The following TFAP2A variants were observed in gnomAD, a reference collection of about 807,000 sequenced individuals.
TFAP2A encodes transcription factor AP-2 alpha, also known as transcription factor AP-2-alpha.
TFAP2A carries 7 observed loss-of-function variants against 41.5 expected under a neutral mutation model. That is an observed-to-expected ratio of 0.17 (90% CI 0.10 to 0.32). TFAP2A has a LOEUF of 0.32. TFAP2A is among the 10% of genes least tolerant of loss of function. The pLI, the probability that TFAP2A is intolerant of heterozygous loss-of-function variation, is 1.00. For synonymous variants in TFAP2A, 247 were observed against 242.8 expected (o/e 1.02, Z -0.16); for missense variants, 416 against 563.3 (o/e 0.74, Z 2.65).
chr6:10,404,863 C>A, intron 3 of TFAP2A, 124 bp from the exon 4 acceptor site: 1 of 828,722 alleles, frequency 1.2e-6, no homozygotes, highest in South Asian at 1.7e-5. Context: ...CCCGCTTTTC[C>A]GTCCGGCTCT....
intron 1 of TFAP2A, among the ~76,000 whole-genome samples, chr6:10,413,882 A>C (rs1453161000): frequency 6.8e-6 from 1 of 147,342 alleles, no homozygotes; most frequent in East Asian, 2.0e-4. Flanking sequence ...AAAAAAAAAC[A>C]GCAAAAGTTG....
chr6:10,400,804 G>A (rs746640282), intron 5 of TFAP2A: 1 of 630,292 alleles, frequency 1.6e-6, no homozygotes, highest in South Asian at 1.5e-5. Context: ...AGAGGGCCAA[G>A]AAGACTTGAA....
chr6:10,400,649 T>C (rs982664872), intron 5 of TFAP2A, 60 bp from the exon 6 acceptor site: 2 of 1,570,878 alleles, frequency 1.3e-6, no homozygotes, highest in African/African-American at 2.7e-5. Flanking sequence ...GATCCTAACT[T>C]CCTCCCCACT....
At chr6:10,405,008 G>A (rs1363404005) in intron 3 of TFAP2A, 2 of 551,334 alleles carry the variant, frequency 3.6e-6, no homozygotes, top group Non-Finnish European at 6.5e-6. Context: ...CCCCTTCGCC[G>A]TCAAGGGTGC....
intron 2 of TFAP2A, among the ~76,000 whole-genome samples, chr6:10,408,225 A>T (rs1757801930): frequency 6.6e-6 from 1 of 152,226 alleles, no homozygotes; most frequent in Non-Finnish European, 1.5e-5. Context: ...TCTTGACCCA[A>T]ATTCCTTTGA....
At chr6:10,416,435 A>AAAG (rs1337039986), upstream of TFAP2A, 1 of 151,614 alleles carries the variant, frequency 6.6e-6, no homozygotes, top group Non-Finnish European at 1.5e-5. Context: ...GTAAGAAAAA[A>AAAG]AAAAAAGAAA....
At chr6:10,400,104 CT>C (rs1328434230) in intron 6 of TFAP2A, among the ~76,000 whole-genome samples, 1 of 152,028 alleles carries the variant, frequency 6.6e-6, no homozygotes, top group African/African-American at 2.4e-5. Context: ...ATAGGTAAGC[CT>C]GTTACCCCTT....
Position 10,409,898 on chromosome 6 carries a change from T to C in TFAP2A, c.486+3A>G, listed in dbSNP as rs904819795. On this transcript the variant is annotated splice_donor_region_variant and intron_variant, in intron 2 of 6. Coordinates refer to ENST00000379613, the MANE Select transcript of TFAP2A (RefSeq NM_001372066.1). ...CTCCCGCGCTGGTTGCGCGGCCTCT[T>C]ACCGGGACCTCCTCGATGGCGTGAG... 11 of 1,547,928 alleles carry C rather than the reference T, an allele frequency of 7.1e-6. No individual in the cohort carries two copies. The South Asian group carries it at 1.3e-4, about 18-fold the overall frequency.
chr6:10,418,005 G>A (rs542672248), upstream of TFAP2A, among the ~76,000 whole-genome samples: 5 of 152,322 alleles, frequency 3.3e-5, no homozygotes, highest in Non-Finnish European at 5.9e-5. Flanking sequence ...AGACTGCTCC[G>A]AAAGGACTCC....
upstream of TFAP2A, chr6:10,419,495 T>G: frequency 6.2e-7 from 1 of 1,613,922 alleles, no homozygotes; most frequent in Non-Finnish European, 8.5e-7. Context: ...GGGCATGGGC[T>G]GGAGGGCTCG....
chr6:10,402,185 G>C (rs1282982784), intron 5 of TFAP2A: 2 of 431,470 alleles, frequency 4.6e-6, no homozygotes, highest in Non-Finnish European at 8.9e-6. Context: ...GTTATTTACT[G>C]CTGAGCCCTT....
intron 5 of TFAP2A, chr6:10,402,241 T>C (rs1279366471): frequency 1.7e-6 from 1 of 576,832 alleles, no homozygotes. Context: ...AACTTGTGCG[T>C]TGTTTAGCTC....
chr6:10,400,833 C>A, intron 5 of TFAP2A: 1 of 668,786 alleles, frequency 1.5e-6, no homozygotes, highest in Non-Finnish European at 2.7e-6. Flanking sequence ...TCTCATCCAC[C>A]AACCTCCAGT....
At chr6:10,402,304 G>A (rs1581259492) in intron 5 of TFAP2A, 188 bp downstream of exon 5, 1 of 678,260 alleles carries the variant, frequency 1.5e-6, no homozygotes, top group African/African-American at 1.8e-5. Flanking sequence ...AAGGAAGAAG[G>A]ATGGAGGTAT....
chr6:10,416,403 C>T (rs1156539246), upstream of TFAP2A: 4 of 144,166 alleles, frequency 2.8e-5, no homozygotes, highest in Admixed American at 1.4e-4. Context: ...TTATCCCTTT[C>T]GGTTTTGGGA....
upstream of TFAP2A, chr6:10,419,360 C>T: frequency 6.3e-7 from 1 of 1,583,996 alleles, no homozygotes; most frequent in Non-Finnish European, 8.7e-7. Context: ...CCGCTCCGGC[C>T]CCCTCCCCTA....
At chr6:10,405,848 T>C (rs1757689659) in intron 3 of TFAP2A, 1 of 152,194 alleles carries the variant, frequency 6.6e-6, no homozygotes, top group Non-Finnish European at 1.5e-5. Context: ...GGGAGGCTAA[T>C]AGAGACAATA....
At position 10,414,057 on chromosome 6, in the gene TFAP2A, G is replaced by A. The variant is rs562608735; in HGVS notation, c.51+884C>T. Among the ~76,000 whole-genome samples the A allele has an allele frequency of 1.5e-3, 234 of 152,336 alleles. 1 individual carries two copies. Among genetic ancestry groups the A allele is most frequent in the Non-Finnish European group, 2.7e-3 (182 of 68,028 alleles). The stretch of plus-strand genomic sequence containing the variant: ...TGCTGCCTCAAGAAGGCGAGCTCAG[G>A]GGACTCTGCGTTTTAAAATGGGTTC... On this transcript the variant is annotated intron_variant, in intron 1 of 6. Transcript: ENST00000379613.
chr6:10,404,486 GC>G (rs768408668), intron 4 of TFAP2A, 21 bp downstream of exon 4: 13 of 1,528,956 alleles, frequency 8.5e-6, no homozygotes, highest in African/African-American at 8.4e-5. Context: ...GGCGGGGCGG[GC>G]GGGGCCGTGC....
Sources: gnomAD v4.1 joint callset for allele counts (sites outside exome capture counted in the v4.1 genomes callset) on GRCh38, gnomAD v4.1.1 for gene constraint, MANE v1.5 for transcripts, NCBI Gene and HGNC (gene_info 2026-07-23, HGNC 2026-07-21) for gene names.